The following CFAP20DC variants were observed in gnomAD, a reference collection of about 807,000 sequenced individuals.
CFAP20DC encodes the protein protein CFAP20DC.
Under a neutral mutation model 101.7 loss-of-function variants are expected in CFAP20DC, and 84 were observed. That is an observed-to-expected ratio of 0.83 (90% CI 0.69 to 0.99). The LOEUF is 0.99. Ranked by LOEUF, CFAP20DC falls within the 50% of genes least tolerant of loss-of-function variation. The pLI, the probability that CFAP20DC is intolerant of heterozygous loss-of-function variation, is 0.00. For synonymous variants in CFAP20DC, 359 were observed against 351.2 expected (o/e 1.02, Z -0.25); for missense variants, 1,007 against 970.3 (o/e 1.04, Z -0.50).
chr3:58,928,969 G>T (rs898848627), intron 5 of CFAP20DC, among the ~76,000 whole-genome samples: 9 of 151,986 alleles, frequency 5.9e-5, no homozygotes, highest in African/African-American at 1.7e-4. Context: ...AGAAACATGA[G>T]GAAGACAGAT....
intron 4 of CFAP20DC, among the ~76,000 whole-genome samples, chr3:58,978,369 G>A (rs1039060787): frequency 3.9e-5 from 6 of 152,042 alleles, no homozygotes; most frequent in Admixed American, 1.3e-4. Flanking sequence ...CAACCTAATT[G>A]CCTCATAGTT....
At chr3:58,740,966 G>T (rs2067868166), downstream of CFAP20DC, among the ~76,000 whole-genome samples, 1 of 152,102 alleles carries the variant, frequency 6.6e-6, no homozygotes, top group African/African-American at 2.4e-5. This position sits in a 1 kb window ranked among gnomAD's most constrained non-coding sequence, Gnocchi z 4.6. Flanking sequence ...CATAACAAAG[G>T]CATACTTTGT....
chr3:58,752,047 C>G (rs1393169882), intron 16 of CFAP20DC, among the ~76,000 whole-genome samples: 1 of 152,150 alleles, frequency 6.6e-6, no homozygotes, highest in Non-Finnish European at 1.5e-5. Flanking sequence ...CATAATTTTT[C>G]TTTGACACTT....
intron 8 of CFAP20DC, 125 bp downstream of exon 8, chr3:58,870,048 A>C: frequency 1.1e-6 from 1 of 878,236 alleles, no homozygotes; most frequent in East Asian, 2.5e-5. Context: ...TGCTTTTGGC[A>C]TGTAGTGTCT....
At chr3:58,975,248 G>A (rs774306706) in intron 4 of CFAP20DC, among the ~76,000 whole-genome samples, 8 of 151,814 alleles carry the variant, frequency 5.3e-5, no homozygotes, top group South Asian at 2.1e-4. Context: ...TAGGTATCTC[G>A]TTGGTAAGTC....
At chr3:59,028,454 T>G (rs2093931046) in intron 4 of CFAP20DC, among the ~76,000 whole-genome samples, 1 of 152,234 alleles carries the variant, frequency 6.6e-6, no homozygotes, top group Non-Finnish European at 1.5e-5. Context: ...AACTGTCTTA[T>G]GAGAAGCCTC....
At chr3:58,794,866 A>T (rs962501017) in intron 15 of CFAP20DC, among the ~76,000 whole-genome samples, 5 of 152,196 alleles carry the variant, frequency 3.3e-5, no homozygotes, top group African/African-American at 1.2e-4. Flanking sequence ...GCGTTGCTGA[A>T]AGTATGAGCT....
At chr3:58,995,376 TA>T (rs35714840) in intron 4 of CFAP20DC, among the ~76,000 whole-genome samples, 137,972 of 143,982 alleles carry the variant, frequency 0.96, 66,194 homozygotes, top group South Asian at 0.99. Flanking sequence ...AATATCTCAC[TA>T]AAAAAAAAAA....
At chr3:58,923,036 A>G (rs2085558635) in intron 5 of CFAP20DC, among the ~76,000 whole-genome samples, 1 of 152,116 alleles carries the variant, frequency 6.6e-6, no homozygotes. Context: ...TCCCCCAAGT[A>G]GCTGGGACTA....
chr3:59,011,393 A>G (rs1471900802), intron 4 of CFAP20DC, among the ~76,000 whole-genome samples: 1 of 140,466 alleles, frequency 7.1e-6, no homozygotes, highest in East Asian at 1.9e-4. Context: ...GCAAGGCTCC[A>G]TCTCAAAAAA....
chr3:58,735,671 C>T (rs2067736652), intron 3 of CFAP20DC, among the ~76,000 whole-genome samples: 1 of 152,130 alleles, frequency 6.6e-6, no homozygotes, highest in Non-Finnish European at 1.5e-5. Flanking sequence ...TAGGAATCTC[C>T]ATGAATGGGA....
chr3:58,965,645 T>A (rs1018108002), intron 4 of CFAP20DC, among the ~76,000 whole-genome samples: 21 of 152,196 alleles, frequency 1.4e-4, no homozygotes, highest in Admixed American at 7.2e-4. Flanking sequence ...TAAAACTTTT[T>A]AAAATAATTT....
chr3:58,957,034 A>G (rs999872475), intron 4 of CFAP20DC, among the ~76,000 whole-genome samples: 1 of 152,174 alleles, frequency 6.6e-6, no homozygotes, highest in South Asian at 2.1e-4. Context: ...CAGCCAAACC[A>G]TATCAGGAAA....
rs560782134 is a variant in CFAP20DC at position 58,816,461 on chromosome 3, A to T, written c.2176-10005T>A. 1.3e-3 allele frequency among the ~76,000 whole-genome samples: 200 copies of T among 152,250 alleles called. 1 individual carries two copies. The Middle Eastern group carries it at 0.014, about 10-fold the overall frequency. On this transcript the variant is annotated intron_variant, in intron 14 of 16. Transcript: ENST00000482387. Reference sequence around the variant, plus strand: ...ACCGTGCGCGAGCCGAAGCAGGGCGAGGCATTGCCTCACCTGGGAAGCGCA... The same window carrying T: ...ACCGTGCGCGAGCCGAAGCAGGGCGTGGCATTGCCTCACCTGGGAAGCGCA...
rs1206390635 is a variant in CFAP20DC at position 59,014,980 on chromosome 3, T to C, written c.278+24577A>G. On this transcript the variant is annotated intron_variant, in intron 4 of 16. Coordinates refer to ENST00000482387, the MANE Select transcript of CFAP20DC (RefSeq NM_001394063.1). The surrounding 1 kb of genome is among the most constrained non-coding windows in gnomAD (Gnocchi z 4.9). ...ACTAAGTAAGCATCAGGACCCTCAATACTCCATTACCACCCCAGAGACAAG... is the reference window on the plus strand; with the variant it reads ...ACTAAGTAAGCATCAGGACCCTCAACACTCCATTACCACCCCAGAGACAAG... Among the ~76,000 whole-genome samples the C allele has an allele frequency of 2.0e-5, 3 of 152,114 alleles. No individual in the cohort carries two copies. The highest frequency in any genetic ancestry group is 4.4e-5 in the Non-Finnish European group (3 of 67,996).
intron 3 of CFAP20DC, among the ~76,000 whole-genome samples, chr3:58,730,972 G>A (rs1045289673): frequency 4.6e-5 from 7 of 152,028 alleles, no homozygotes; most frequent in Admixed American, 6.5e-5. Flanking sequence ...AGCTCAAATG[G>A]CTCTTTTGCC....
At position 58,913,016 on chromosome 3, in the gene CFAP20DC, C is replaced by T. The variant is rs555172675; in HGVS notation, c.550+692G>A. 4.2e-4 allele frequency among the ~76,000 whole-genome samples: 64 copies of T among 152,236 alleles called. No individual in the cohort carries two copies. The highest frequency in any genetic ancestry group is 1.5e-3 in the African/African-American group (63 of 41,552). On this transcript the variant is annotated intron_variant, in intron 6 of 16. Coordinates refer to ENST00000482387, the MANE Select transcript of CFAP20DC (RefSeq NM_001394063.1). This position sits in a 1 kb window ranked among gnomAD's most constrained non-coding sequence, Gnocchi z 4.4. ...CCTGCCTCCTTAGTCAGGAATCAGA[C>T]ATTGCTTTGCCTGCCTTCCTTGCAG...
At chr3:58,790,354 C>T (rs1303440317) in intron 15 of CFAP20DC, among the ~76,000 whole-genome samples, 1 of 152,166 alleles carries the variant, frequency 6.6e-6, no homozygotes, top group Admixed American at 6.5e-5. Context: ...GGGTGGTTCC[C>T]TGGCAAAGGC....
intron 6 of CFAP20DC, among the ~76,000 whole-genome samples, chr3:58,910,096 C>T (rs1242980789): frequency 1.3e-5 from 2 of 152,124 alleles, no homozygotes; most frequent in Non-Finnish European, 2.9e-5. Context: ...GTATTATTCC[C>T]TGGTGTATCT....
Sources: allele counts gnomAD v4.1 joint callset (sites outside exome capture counted in the v4.1 genomes callset), GRCh38; gene constraint gnomAD v4.1.1; non-coding constraint Gnocchi (gnomAD v3.1); transcripts MANE v1.5; gene names NCBI Gene and HGNC (gene_info 2026-07-23, HGNC 2026-07-21).